UBE2A: variants seen among roughly 807,000 people sequenced by gnomAD.
The protein encoded by UBE2A is ubiquitin-conjugating enzyme E2 A.
For synonymous variants in UBE2A, 39 were observed against 41.1 expected, an observed-to-expected ratio of 0.95 and a Z score of 0.20; for missense variants, 27 against 125.8, an observed-to-expected ratio of 0.21 and a Z score of 3.76.
In UBE2A at chrX:119,582,681, A is replaced by G; in HGVS notation, c.330+5A>G. 8.5e-7 allele frequency: 1 copy of G among 1,178,012 alleles called. No individual in the cohort carries two copies. On this transcript the variant is annotated splice_donor_5th_base_variant and intron_variant, in intron 5 of 5. Transcript: ENST00000371558. ...TCCATTCTAACATCCATACAGGTGAATTTTTCCTTAATGTGACGAACTATA... is the reference window on the plus strand; with the variant it reads ...TCCATTCTAACATCCATACAGGTGAGTTTTTCCTTAATGTGACGAACTATA...
At chrX:119,578,271 A>G (rs1030227290) in intron 3 of UBE2A, among the ~76,000 whole-genome samples, 1 of 111,956 alleles carries the variant, frequency 8.9e-6, no homozygotes, top group African/African-American at 3.2e-5. Context: ...CCTCATCAGA[A>G]TATCTTGGTA....
chrX:119,581,268 A>T (rs1290338538), intron 3 of UBE2A: 1 of 288,159 alleles, frequency 3.5e-6, no homozygotes, highest in Admixed American at 5.9e-5. Context: ...TGTAAGCAGT[A>T]ATTTTGTGTT....
rs991447045 is a variant in UBE2A, at chrX:119,583,563, T to C, written c.*308T>C. ...ATTATTGTACTTTAAGCTTTTAAGATGAATTGTTATACAAGAGGTGCTTAT... is the reference window on the plus strand; with the variant it reads ...ATTATTGTACTTTAAGCTTTTAAGACGAATTGTTATACAAGAGGTGCTTAT... On this transcript the variant is annotated 3_prime_UTR_variant, in exon 6 of 6. Transcript: ENST00000371558. 7 of 277,524 alleles carry C rather than the reference T, an allele frequency of 2.5e-5. No homozygotes were observed. The highest frequency in any genetic ancestry group is 3.9e-5 in the Non-Finnish European group (6 of 154,956). The allele number at this position is 277,524 out of a possible 1,213,427, so 22.9% of individuals were successfully genotyped here.
intron 3 of UBE2A, 55 bp downstream of exon 3, chrX:119,575,455 G>T: frequency 8.3e-7 from 1 of 1,199,187 alleles, no homozygotes; most frequent in African/African-American, 1.7e-5. Flanking sequence ...TGGGGAAAGG[G>T]TTCCCAGTCA....
At chrX:119,583,025 A>G in intron 5 of UBE2A, 102 bp from the exon 6 acceptor site, 2 of 1,058,507 alleles carry the variant, frequency 1.9e-6, no homozygotes, top group Non-Finnish European at 2.6e-6. Flanking sequence ...TGCTAAAGAC[A>G]AGAAATGTAG....
intron 4 of UBE2A, 108 bp downstream of exon 4, chrX:119,581,704 T>A: frequency 4.9e-6 from 3 of 614,839 alleles, no homozygotes; most frequent in Non-Finnish European, 8.1e-6. Context: ...TTAGGCAGCT[T>A]GCTGCTTCTT....
At chrX:119,575,268 C>A in intron 2 of UBE2A, 107 bp from the exon 3 acceptor site, 1 of 1,108,678 alleles carries the variant, frequency 9.0e-7, no homozygotes, top group Non-Finnish European at 1.2e-6. Flanking sequence ...GGCTTCCGAC[C>A]CCGGTAGCGG....
chrX:119,576,630 T>C (rs1232986903), intron 3 of UBE2A, among the ~76,000 whole-genome samples: 1 of 111,636 alleles, frequency 9.0e-6, no homozygotes, highest in Non-Finnish European at 1.9e-5. Flanking sequence ...CCACAAAATG[T>C]TGTGAGGTAA....
intron 3 of UBE2A, among the ~76,000 whole-genome samples, chrX:119,577,635 C>T (rs867585931): frequency 3.5e-5 from 2 of 56,789 alleles, no homozygotes; most frequent in Non-Finnish European, 3.0e-5. Context: ...AAAATTTTAG[C>T]TTTTTTTTTT....
At chrX:119,575,153 C>T (rs2053406769) in intron 2 of UBE2A, 172 bp downstream of exon 2, 2 of 753,716 alleles carry the variant, frequency 2.7e-6, no homozygotes. Context: ...GTTCCCGCTG[C>T]CAGGGGGAAC....
chrX:119,575,462 G>A, intron 3 of UBE2A, 62 bp downstream of exon 3: 1 of 1,197,486 alleles, frequency 8.4e-7, no homozygotes, highest in Non-Finnish European at 1.1e-6. Context: ...AGGGTTCCCA[G>A]TCATCCTGGA....
At chrX:119,580,121 A>G (rs988549534) in intron 3 of UBE2A, among the ~76,000 whole-genome samples, 1 of 111,805 alleles carries the variant, frequency 8.9e-6, no homozygotes, top group African/African-American at 3.3e-5. Flanking sequence ...GTTATAATAC[A>G]TAGTATCTTC....
intron 3 of UBE2A, chrX:119,581,064 A>G (rs893285848): frequency 3.5e-5 from 4 of 113,475 alleles, no homozygotes; most frequent in African/African-American, 1.3e-4. Context: ...TTGATTATGG[A>G]TTTGTATTCT....
At position 119,574,646 on chromosome X, in the gene UBE2A, G is replaced by GCCTCCTCGC; in HGVS notation, c.-63_-55dup. On this transcript the variant is annotated 5_prime_UTR_variant, in exon 1 of 6. Coordinates refer to ENST00000371558, the MANE Select transcript of UBE2A (RefSeq NM_003336.4). ...TTCTCCTGCTTCTCCAGCCTCTTCG[G>GCCTCCTCGC]CCTCCTCGCCCGCCGCGGGAACCCG... 8.7e-7 allele frequency: 1 copy of GCCTCCTCGC among 1,155,706 alleles called. No individual in the cohort carries two copies. Among genetic ancestry groups the GCCTCCTCGC allele is most frequent in the Non-Finnish European group, 1.2e-6 (1 of 862,836 alleles).
chrX:119,582,962 A>AT (rs1265675199), intron 5 of UBE2A, among the ~76,000 whole-genome samples, 165 bp from the exon 6 acceptor site: 1 of 110,159 alleles, frequency 9.1e-6, no homozygotes, highest in Non-Finnish European at 1.9e-5. Flanking sequence ...AAAAAAAAAA[A>AT]GCCGCATATA....
At chrX:119,578,411 G>A (rs1298428507) in intron 3 of UBE2A, among the ~76,000 whole-genome samples, 1 of 110,816 alleles carries the variant, frequency 9.0e-6, no homozygotes, top group Non-Finnish European at 1.9e-5. Context: ...GGTATAAATC[G>A]TTTTTATTTT....
chrX:119,583,144 C>G lies in UBE2A; in HGVS notation c.348C>G (p.Pro116=). 8.3e-7 allele frequency: 1 copy of G among 1,211,358 alleles called. No homozygotes were observed. The change falls in exon 6 of 6, where the codon CCC becomes CCG. Residue 116 remains proline (P), a synonymous_variant. Coordinates refer to ENST00000371558, the MANE Select transcript of UBE2A (RefSeq NM_003336.4). ...LTSIQSLLDE[P]NPNSPANSQA... ...CTCTTTAGTCTCTGTTGGATGAACC[C>G]AATCCCAATAGTCCAGCAAACAGCC...
chrX:119,575,251 T>C, intron 2 of UBE2A, 124 bp from the exon 3 acceptor site: 1 of 1,011,289 alleles, frequency 9.9e-7, no homozygotes, highest in South Asian at 2.0e-5. Context: ...GGACATCCAT[T>C]TGTAGTGGCT....
intron 4 of UBE2A, 39 bp downstream of exon 4, chrX:119,581,635 A>G: frequency 9.8e-7 from 1 of 1,017,174 alleles, no homozygotes; most frequent in Non-Finnish European, 1.4e-6. Flanking sequence ...AAACTACTAT[A>G]GTGTTTATTA....
Sources: gnomAD v4.1 joint callset for allele counts (sites outside exome capture counted in the v4.1 genomes callset) on GRCh38, gnomAD v4.1.1 for gene constraint, MANE v1.5 for transcripts, NCBI Gene and HGNC (gene_info 2026-07-23, HGNC 2026-07-21) for gene names.